The following ATP11A variants were observed in gnomAD, a reference collection of about 807,000 sequenced individuals.
ATP11A encodes the protein ATPase phospholipid transporting 11A.
Under a neutral mutation model 154.4 loss-of-function variants are expected in ATP11A, and 81 were observed. That is an observed-to-expected ratio of 0.52 (90% CI 0.44 to 0.63). The LOEUF is 0.63. ATP11A is among the 30% of genes least tolerant of loss of function. The pLI, the probability that ATP11A is intolerant of heterozygous loss-of-function variation, is 0.00. For missense variants in ATP11A, 1,316 were observed against 1,474.3 expected, an observed-to-expected ratio of 0.89 and a Z score of 1.76; for synonymous variants, 623 against 585.9, an observed-to-expected ratio of 1.06 and a Z score of -0.91.
At chr13:112,880,727 G>A (rs2080860548) in intron 29 of ATP11A, 2 of 1,196,416 alleles carry the variant, frequency 1.7e-6, no homozygotes, top group East Asian at 6.2e-5. Context: ...GTGCTGTGCT[G>A]TGCTGTCTTT....
intron 1 of ATP11A, among the ~76,000 whole-genome samples, chr13:112,731,557 G>A (rs1053254304): frequency 6.6e-6 from 1 of 152,140 alleles, no homozygotes; most frequent in African/African-American, 2.4e-5. Context: ...TAAGTGTGAC[G>A]ATGTAAGTGA....
At position 112,808,675 on chromosome 13, in the gene ATP11A, T is replaced by G. The variant is rs1019775606; in HGVS notation, c.334-1944T>G. Among the ~76,000 whole-genome samples, 7 of 152,064 alleles carry G rather than the reference T, an allele frequency of 4.6e-5. 1 individual carries two copies. In the South Asian group the frequency reaches 1.4e-3, roughly 31 times the overall value. On this transcript the variant is annotated intron_variant, in intron 4 of 29. Coordinates refer to ENST00000375645, the MANE Select transcript of ATP11A (RefSeq NM_015205.3). ...CTGCACTCACAGAGGCCTCCCTGATTTTCTCTTAGGTCCCCGCCTCTCTTT... is the reference window on the plus strand; with the variant it reads ...CTGCACTCACAGAGGCCTCCCTGATGTTCTCTTAGGTCCCCGCCTCTCTTT...
At chr13:112,871,920 C>T in intron 26 of ATP11A, 120 bp downstream of exon 26, 2 of 1,144,564 alleles carry the variant, frequency 1.7e-6, no homozygotes, top group Non-Finnish European at 2.6e-6. Flanking sequence ...CCACTCTCCA[C>T]CCAGCCTTGG....
At chr13:112,739,593 A>G (rs973783757) in intron 1 of ATP11A, among the ~76,000 whole-genome samples, 1 of 152,264 alleles carries the variant, frequency 6.6e-6, no homozygotes, top group Non-Finnish European at 1.5e-5. Flanking sequence ...AAGAGTTACC[A>G]ATATGCCCTG....
chr13:112,881,567 A>C, intron 29 of ATP11A: 1 of 1,147,884 alleles, frequency 8.7e-7, no homozygotes. Context: ...GGACAGGGGG[A>C]CGGTCACTCT....
At chr13:112,866,972 G>A (rs1475605127) in intron 25 of ATP11A, among the ~76,000 whole-genome samples, 2 of 152,082 alleles carry the variant, frequency 1.3e-5, no homozygotes, top group African/African-American at 4.8e-5. Flanking sequence ...GGCCATGAAC[G>A]TCATCAAACA....
rs575831706 is a variant in ATP11A at position 112,710,193 on chromosome 13, C to T, written c.39+19738C>T. Among the ~76,000 whole-genome samples, 13 of 152,308 alleles carry T rather than the reference C, an allele frequency of 8.5e-5. No homozygotes were observed. In the South Asian group the frequency reaches 1.2e-3, roughly 15 times the overall value. The stretch of plus-strand genomic sequence containing the variant: ...CCATGTGGTCCTCCCTCTTTGCAGA[C>T]GTGTGTGTGGCCGTGGTGTTTAAGT... On this transcript the variant is annotated intron_variant, in intron 1 of 29. Coordinates refer to ENST00000375645, the MANE Select transcript of ATP11A (RefSeq NM_015205.3).
chr13:112,871,919 AC>A, intron 26 of ATP11A, 119 bp downstream of exon 26: 1 of 1,151,276 alleles, frequency 8.7e-7, no homozygotes, highest in Non-Finnish European at 1.3e-6. Flanking sequence ...GCCACTCTCC[AC>A]CCAGCCTTGG....
intron 1 of ATP11A, among the ~76,000 whole-genome samples, chr13:112,773,201 T>TCCTGCCCTGC (rs113451894): frequency 1.3e-5 from 2 of 151,528 alleles, no homozygotes; most frequent in Non-Finnish European, 2.9e-5. Flanking sequence ...CTGTGGCGCC[T>TCCTGCCCTGC]CCTGCCCTGC....
intron 2 of ATP11A, among the ~76,000 whole-genome samples, chr13:112,800,671 C>T (rs1272701362): frequency 6.6e-6 from 1 of 151,886 alleles, no homozygotes. Flanking sequence ...ACCCTAAAAC[C>T]AAAACCAGAA....
chr13:112,791,593 C>T (rs767927322), intron 2 of ATP11A, among the ~76,000 whole-genome samples: 5 of 151,806 alleles, frequency 3.3e-5, no homozygotes, highest in Non-Finnish European at 2.9e-5. Flanking sequence ...GCGAATTCTG[C>T]CTCCCACTCC....
chr13:112,836,294 G>A, intron 16 of ATP11A, 43 bp downstream of exon 16: 1 of 1,293,614 alleles, frequency 7.7e-7, no homozygotes, highest in Admixed American at 1.8e-5. Context: ...TATACGTGGT[G>A]GTTGTGTTTT....
intron 11 of ATP11A, among the ~76,000 whole-genome samples, chr13:112,826,137 C>G (rs534247187): frequency 2.0e-4 from 30 of 152,184 alleles, no homozygotes; most frequent in African/African-American, 6.3e-4. Flanking sequence ...GTGTGCAAAC[C>G]CAGACCCATA....
chr13:112,856,096 C>G lies in ATP11A; in HGVS notation c.2418+11C>G. On this transcript the variant is annotated intron_variant, in intron 20 of 29. Coordinates refer to ENST00000375645, the MANE Select transcript of ATP11A (RefSeq NM_015205.3). ...TTGCAGAAGGCTCAGGTGCTGCCCGCCCGTCCTCGATAGCTGGTGGTCAGG... is the reference window on the plus strand; with the variant it reads ...TTGCAGAAGGCTCAGGTGCTGCCCGGCCGTCCTCGATAGCTGGTGGTCAGG... The G allele has an allele frequency of 6.2e-7, 1 of 1,607,410 alleles. No homozygotes were observed. Among genetic ancestry groups the G allele is most frequent in the Non-Finnish European group, 8.5e-7 (1 of 1,176,936 alleles).
At chr13:112,840,685 C>T (rs544529107) in intron 16 of ATP11A, among the ~76,000 whole-genome samples, 1 of 152,112 alleles carries the variant, frequency 6.6e-6, no homozygotes, top group East Asian at 1.9e-4. Context: ...GCCACCTCAG[C>T]CACATGAGCG....
Position 112,875,635 on chromosome 13 carries a change from C to A in ATP11A, c.3162-141C>A. 1 of 835,964 alleles carries A rather than the reference C, an allele frequency of 1.2e-6. No homozygotes were observed. The highest frequency in any genetic ancestry group is 1.8e-6 in the Non-Finnish European group (1 of 552,690). 51.8% of individuals were successfully genotyped at this position (835,964 alleles called of 1,614,324 possible). A position where few individuals can be genotyped will look rare whatever the true frequency, so the allele number is the denominator to read the frequency against. Reference sequence around the variant, plus strand: ...GTGTTCATTTTTTATATGATAAATTCAGAGCAGGCTCCGTGGCTTGCCAAG... The same window carrying A: ...GTGTTCATTTTTTATATGATAAATTAAGAGCAGGCTCCGTGGCTTGCCAAG... On this transcript the variant is annotated intron_variant, in intron 27 of 29. Transcript: ENST00000375645. This position sits in a 1 kb window ranked among gnomAD's most constrained non-coding sequence, Gnocchi z 4.1.
chr13:112,857,697 GTAGT>G, intron 20 of ATP11A, 117 bp from the exon 21 acceptor site: 2 of 767,400 alleles, frequency 2.6e-6, no homozygotes, highest in Non-Finnish European at 4.3e-6. Flanking sequence ...TTACCTCTAA[GTAGT>G]TAATTTTTTT....
chr13:112,754,283 A>C lies in ATP11A; in HGVS notation c.40-30852A>C, dbSNP rs959029534. Among the ~76,000 whole-genome samples, 10 of 152,126 alleles carry C rather than the reference A, an allele frequency of 6.6e-5. No individual in the cohort carries two copies. The highest frequency in any genetic ancestry group is 1.5e-4 in the Non-Finnish European group (10 of 68,014). ...TGTTCACCTCTGCAATCTGCCCCTT[A>C]GTGCCTCGGCTGATTCTTGGTCTTT... On this transcript the variant is annotated intron_variant, in intron 1 of 29. Transcript: ENST00000375645. This position sits in a 1 kb window ranked among gnomAD's most constrained non-coding sequence, Gnocchi z 5.3.
intron 2 of ATP11A, among the ~76,000 whole-genome samples, chr13:112,801,076 GA>G (rs2078121278): frequency 6.6e-6 from 1 of 151,634 alleles, no homozygotes; most frequent in African/African-American, 2.4e-5. Flanking sequence ...CCTAAGATTG[GA>G]AAAAAGGCAA....
Sources: allele counts gnomAD v4.1 joint callset (sites outside exome capture counted in the v4.1 genomes callset), GRCh38; gene constraint gnomAD v4.1.1; non-coding constraint Gnocchi (gnomAD v3.1); transcripts MANE v1.5; gene names NCBI Gene and HGNC (gene_info 2026-07-23, HGNC 2026-07-21).